Variants in PLCB4 observed in about 807,000 individuals in gnomAD.
The protein encoded by PLCB4 is 1-phosphatidylinositol 4,5-bisphosphate phosphodiesterase beta-4.
A neutral mutation model predicts 178.8 loss-of-function variants in PLCB4; 77 were observed. The ratio of observed to expected loss-of-function variants is 0.43; its 90% CI spans 0.36 to 0.52. The LOEUF (loss-of-function observed/expected upper bound fraction) is 0.52, where lower values mean the gene tolerates loss of function less well. Among genes scored for constraint, PLCB4 ranks in the 20% least tolerant of loss-of-function variants. The pLI is 0.00. For missense variants in PLCB4, 1,024 were observed against 1,453.4 expected, an observed-to-expected ratio of 0.70 and a Z score of 4.80; for synonymous variants, 496 against 490.8, an observed-to-expected ratio of 1.01 and a Z score of -0.14.
chr20:9,151,712 A>G (rs1310638555), intron 2 of PLCB4, among the ~76,000 whole-genome samples: 2 of 152,128 alleles, frequency 1.3e-5, no homozygotes, highest in Non-Finnish European at 2.9e-5. Flanking sequence ...AATACAGTAA[A>G]TTGGTACCAG....
intron 18 of PLCB4, among the ~76,000 whole-genome samples, chr20:9,394,711 A>G (rs2038428315): frequency 6.6e-6 from 1 of 152,184 alleles, no homozygotes; most frequent in Non-Finnish European, 1.5e-5. Context: ...CTTGAAATCA[A>G]TTGGTGCAAT....
chr20:9,207,599 T>C (rs1162656980), intron 2 of PLCB4, among the ~76,000 whole-genome samples: 1 of 152,196 alleles, frequency 6.6e-6, no homozygotes, highest in Non-Finnish European at 1.5e-5. Context: ...CGTGCTGCCA[T>C]TGCTATGGGG....
rs11474652 is a variant in PLCB4, at chr20:9,214,560, G to GACACACAC, written c.-78-2804_-78-2797dup. 8.3e-3 allele frequency among the ~76,000 whole-genome samples: 1,208 copies of GACACACAC among 145,588 alleles called. 9 individuals carry two copies. Among genetic ancestry groups the GACACACAC allele is most frequent in the African/African-American group, 0.014 (556 of 39,714 alleles). On this transcript the variant is annotated intron_variant, in intron 2 of 39. Transcript: ENST00000378473. ...TGGGAAGACATACATAAACACCCCA[G>GACACACAC]ACACACACACACACACACACACACA...
chr20:9,209,443 T>A (rs2093649112), intron 2 of PLCB4, among the ~76,000 whole-genome samples: 1 of 151,876 alleles, frequency 6.6e-6, no homozygotes, highest in East Asian at 1.9e-4. Flanking sequence ...TATGACGGGA[T>A]GTCACTCCTG....
At chr20:9,458,813 A>G (rs2043213353) in intron 34 of PLCB4, among the ~76,000 whole-genome samples, 1 of 151,948 alleles carries the variant, frequency 6.6e-6, no homozygotes, top group Non-Finnish European at 1.5e-5. Context: ...GGAGAAACAG[A>G]CTCCAGCTCT....
intron 15 of PLCB4, among the ~76,000 whole-genome samples, chr20:9,388,677 T>C (rs2037882813): frequency 6.6e-6 from 1 of 152,020 alleles, no homozygotes. Flanking sequence ...ATGCCATTGC[T>C]CTCCAGCCTC....
intron 25 of PLCB4, among the ~76,000 whole-genome samples, chr20:9,415,321 C>A (rs1351554426): frequency 6.6e-6 from 1 of 152,070 alleles, no homozygotes; most frequent in Non-Finnish European, 1.5e-5. Context: ...CCAGGGGTAG[C>A]TGAAGCCTCA....
chr20:9,200,277 C>G (rs980326036), intron 2 of PLCB4, among the ~76,000 whole-genome samples: 7 of 152,178 alleles, frequency 4.6e-5, no homozygotes, highest in African/African-American at 1.7e-4. Flanking sequence ...ATTTCCCTTT[C>G]TTACACGTCT....
At position 9,373,117 on chromosome 20, in the gene PLCB4, A is replaced by G. The variant is rs563358622; in HGVS notation, c.744+13A>G. 2 of 1,350,100 alleles carry G rather than the reference A, an allele frequency of 1.5e-6. No individual in the cohort carries two copies. The highest frequency in any genetic ancestry group is 2.1e-6 in the Non-Finnish European group (2 of 943,878). The allele number at this position is 1,350,100 out of a possible 1,614,324, so 83.6% of individuals were successfully genotyped here. A position where few individuals can be genotyped will look rare whatever the true frequency, so the allele number is the denominator to read the frequency against. On this transcript the variant is annotated intron_variant, in intron 12 of 39. Coordinates refer to ENST00000378473, the MANE Select transcript of PLCB4 (RefSeq NM_001377142.1). Reference sequence around the variant, plus strand: ...CTTTCTAAATGAAGTAAGCTTTTTCATACATTAACTCCATAAAGTCTGTGT... The same window carrying G: ...CTTTCTAAATGAAGTAAGCTTTTTCGTACATTAACTCCATAAAGTCTGTGT...
At chr20:9,301,509 A>G (rs1196616616) in intron 3 of PLCB4, among the ~76,000 whole-genome samples, 1 of 152,022 alleles carries the variant, frequency 6.6e-6, no homozygotes, top group African/African-American at 2.4e-5. Flanking sequence ...CCTGAAGACC[A>G]CCTTATAGGT....
intron 1 of PLCB4, among the ~76,000 whole-genome samples, chr20:9,071,432 T>G (rs2089567577): frequency 6.6e-6 from 1 of 152,180 alleles, no homozygotes; most frequent in African/African-American, 2.4e-5. Context: ...TACCTCACCC[T>G]CTAAGTAAAA....
chr20:9,073,961 G>A (rs1388455823), intron 1 of PLCB4, among the ~76,000 whole-genome samples: 1 of 152,088 alleles, frequency 6.6e-6, no homozygotes, highest in Non-Finnish European at 1.5e-5. Context: ...GGGCATTCAT[G>A]ACCCACACAA....
intron 14 of PLCB4, among the ~76,000 whole-genome samples, chr20:9,385,782 G>A (rs935914543): frequency 6.6e-6 from 1 of 151,800 alleles, no homozygotes; most frequent in Admixed American, 6.6e-5. Flanking sequence ...GGGGCAGCCG[G>A]GCAGAGGGGC....
At chr20:9,117,059 A>T (rs531422108) in intron 2 of PLCB4, among the ~76,000 whole-genome samples, 2 of 152,020 alleles carry the variant, frequency 1.3e-5, no homozygotes, top group African/African-American at 4.8e-5. Flanking sequence ...TAACACTCCA[A>T]TTTGTCCGAA....
At chr20:9,338,551 C>T (rs2032791394) in intron 6 of PLCB4, among the ~76,000 whole-genome samples, 1 of 152,024 alleles carries the variant, frequency 6.6e-6, no homozygotes, top group Non-Finnish European at 1.5e-5. Context: ...TTAGCATGTG[C>T]CTGTAGTCTC....
chr20:9,222,273 T>C (rs866961822), intron 3 of PLCB4, among the ~76,000 whole-genome samples: 1 of 151,896 alleles, frequency 6.6e-6, no homozygotes, highest in Middle Eastern at 3.4e-3. Flanking sequence ...AAATTTTTTT[T>C]GTAGAGATGG....
intron 27 of PLCB4, among the ~76,000 whole-genome samples, chr20:9,423,479 C>T (rs543102158): frequency 1.3e-5 from 2 of 152,292 alleles, no homozygotes; most frequent in East Asian, 3.9e-4. Flanking sequence ...AAGGATCAAT[C>T]ACAAGGGTTG....
At chr20:9,166,973 A>G (rs1022909025) in intron 2 of PLCB4, among the ~76,000 whole-genome samples, 12 of 152,206 alleles carry the variant, frequency 7.9e-5, no homozygotes, top group Non-Finnish European at 1.2e-4. Context: ...TTGTGCCAAC[A>G]AAGTATATTA....
At chr20:9,124,085 A>G (rs968209565) in intron 2 of PLCB4, among the ~76,000 whole-genome samples, 3 of 152,158 alleles carry the variant, frequency 2.0e-5, no homozygotes, top group African/African-American at 7.2e-5. Flanking sequence ...TTTTTCAGCT[A>G]TTTAAATATG....
Sources: allele counts gnomAD v4.1 joint callset (sites outside exome capture counted in the v4.1 genomes callset), GRCh38; gene constraint gnomAD v4.1.1; transcripts MANE v1.5; gene names NCBI Gene and HGNC (gene_info 2026-07-23, HGNC 2026-07-21).